The following DPYD variants were observed in gnomAD, a reference collection of about 807,000 sequenced individuals.
The protein encoded by DPYD is dihydropyrimidine dehydrogenase, also known as dihydropyrimidine dehydrogenase [NADP(+)].
A neutral mutation model predicts 116.2 loss-of-function variants in DPYD; 109 were observed. The ratio of observed to expected loss-of-function variants is 0.94; its 90% CI spans 0.80 to 1.10. The LOEUF is 1.10. DPYD is among the 50% of genes least tolerant of loss of function. The pLI, the probability that DPYD is intolerant of heterozygous loss-of-function variation, is 0.00. For missense variants in DPYD, 1,302 were observed against 1,254.5 expected, an observed-to-expected ratio of 1.04 and a Z score of -0.57; for synonymous variants, 440 against 432.0, an observed-to-expected ratio of 1.02 and a Z score of -0.23.
intron 19 of DPYD, among the ~76,000 whole-genome samples, chr1:97,211,477 A>G (rs7540621): frequency 0.035 from 5,381 of 152,292 alleles, 293 homozygotes; most frequent in African/African-American, 0.12. Flanking sequence ...CTGAATGAAT[A>G]GAAATTATGA....
chr1:97,227,406 T>C (rs1455601846), intron 19 of DPYD, among the ~76,000 whole-genome samples: 1 of 134,194 alleles, frequency 7.5e-6, no homozygotes, highest in Non-Finnish European at 1.6e-5. Context: ...CCCAATAAAA[T>C]GTAATCTGAA....
At chr1:97,229,574 A>G (rs1661447037) in intron 19 of DPYD, among the ~76,000 whole-genome samples, 1 of 84,474 alleles carries the variant, frequency 1.2e-5, no homozygotes, top group African/African-American at 3.1e-5. Flanking sequence ...ATATATATAT[A>G]TATATATATA....
intron 20 of DPYD, among the ~76,000 whole-genome samples, chr1:97,126,895 T>G (rs1256937510): frequency 6.6e-6 from 1 of 152,190 alleles, no homozygotes; most frequent in Non-Finnish European, 1.5e-5. Flanking sequence ...CTTTAGGACT[T>G]TTGTACCTTG....
chr1:97,156,577 AC>A (rs1278973177), intron 20 of DPYD, among the ~76,000 whole-genome samples: 4 of 152,218 alleles, frequency 2.6e-5, no homozygotes, highest in Admixed American at 2.6e-4. Context: ...ATACCATCCC[AC>A]ACCAGTTAGA....
intron 3 of DPYD, among the ~76,000 whole-genome samples, chr1:97,773,830 C>T (rs1021365521): frequency 5.9e-5 from 9 of 152,180 alleles, no homozygotes; most frequent in African/African-American, 1.4e-4. Flanking sequence ...ACTTCCACCA[C>T]TCAATAAAAA....
intron 11 of DPYD, among the ~76,000 whole-genome samples, chr1:97,553,153 C>T (rs749697682): frequency 9.2e-5 from 14 of 151,816 alleles, no homozygotes; most frequent in Non-Finnish European, 1.6e-4. Flanking sequence ...GTAGTAGACT[C>T]TAAGCACATG....
In DPYD at chr1:97,593,273, C is replaced by A; in HGVS notation, c.1073G>T (p.Arg358Leu). Reference protein sequence around the residue: ...ATSALRCGARRVFIVFRKGFV... With the variant: ...ATSALRCGARLVFIVFRKGFV... ...GCCTTTTCTGAAGACGATGAACACA[C>A]GGCGAGCTCCACAACGTAGAGCAGA... Residue 358 changes from arginine (R) to leucine (L), a missense_variant, in exon 10 of 23, where the codon CGT becomes CTT. By Grantham distance (102) the Arg-to-Leu change is moderately radical (BLOSUM62 -2). Transcript: ENST00000370192. 6.2e-7 allele frequency: 1 copy of A among 1,614,118 alleles called. No individual in the cohort carries two copies. Among genetic ancestry groups the A allele is most frequent in the Non-Finnish European group, 8.5e-7 (1 of 1,179,998 alleles).
intron 8 of DPYD, among the ~76,000 whole-genome samples, chr1:97,652,114 T>C (rs1184016767): frequency 1.3e-5 from 2 of 152,098 alleles, no homozygotes; most frequent in Non-Finnish European, 2.9e-5. Flanking sequence ...AGTCACTATA[T>C]TCATTCTATA....
intron 13 of DPYD, among the ~76,000 whole-genome samples, chr1:97,477,240 A>T (rs558971899): frequency 6.6e-6 from 1 of 152,354 alleles, no homozygotes; most frequent in South Asian, 2.1e-4. Context: ...TGTTCACAGC[A>T]TCTTCACTAG....
At chr1:97,904,799 AT>A (rs1212828114) in intron 1 of DPYD, among the ~76,000 whole-genome samples, 1 of 151,972 alleles carries the variant, frequency 6.6e-6, no homozygotes, top group African/African-American at 2.4e-5. Context: ...TCTCTTGTTA[AT>A]CCATCTTTCA....
chr1:97,611,503 T>C (rs1334215521), intron 8 of DPYD, among the ~76,000 whole-genome samples: 1 of 152,042 alleles, frequency 6.6e-6, no homozygotes, highest in Non-Finnish European at 1.5e-5. Flanking sequence ...CAAGTAAATA[T>C]AAGGTGTTCT....
chr1:97,255,292 A>G (rs933563121), intron 18 of DPYD, among the ~76,000 whole-genome samples: 5 of 152,174 alleles, frequency 3.3e-5, no homozygotes, highest in African/African-American at 9.7e-5. Context: ...AGTGTTATAC[A>G]AATATTAAGT....
At chr1:97,704,537 A>C (rs1195153533) in intron 5 of DPYD, among the ~76,000 whole-genome samples, 1 of 152,018 alleles carries the variant, frequency 6.6e-6, no homozygotes, top group African/African-American at 2.4e-5. Context: ...TTTTTCAAAA[A>C]TAATATTTTT....
chr1:97,112,679 A>G (rs1651684773), intron 20 of DPYD, among the ~76,000 whole-genome samples: 1 of 152,152 alleles, frequency 6.6e-6, no homozygotes, highest in Non-Finnish European at 1.5e-5. Context: ...CGTGATTTCC[A>G]TAGATTATCA....
At chr1:97,252,198 G>A (rs545033422) in intron 18 of DPYD, among the ~76,000 whole-genome samples, 3 of 152,164 alleles carry the variant, frequency 2.0e-5, no homozygotes, top group African/African-American at 7.2e-5. Flanking sequence ...TGAAATTTCA[G>A]GCTCTTGTCA....
At chr1:97,814,700 G>A (rs1668492284) in intron 3 of DPYD, among the ~76,000 whole-genome samples, 1 of 151,688 alleles carries the variant, frequency 6.6e-6, no homozygotes, top group South Asian at 2.1e-4. Context: ...AGAAATCCAG[G>A]AATCTCCAGC....
At chr1:97,902,624 T>A (rs982147129) in intron 1 of DPYD, among the ~76,000 whole-genome samples, 1 of 151,844 alleles carries the variant, frequency 6.6e-6, no homozygotes, top group East Asian at 1.9e-4. Flanking sequence ...CAATGCTTCC[T>A]ACACTTTCTC....
rs1183047651 is a variant in DPYD at position 97,098,644 on chromosome 1, A to G, written c.2623-12T>C. 6.2e-7 allele frequency: 1 copy of G among 1,612,512 alleles called. No homozygotes were observed. The highest frequency in any genetic ancestry group is 1.1e-5 in the South Asian group (1 of 91,034). Reference sequence around the variant, plus strand: ...AAACTTGGCAGTTTCTAAAAGGAAAACACACAAATAAGGAAGCATGTTAGC... The same window carrying G: ...AAACTTGGCAGTTTCTAAAAGGAAAGCACACAAATAAGGAAGCATGTTAGC... On this transcript the variant is annotated splice_polypyrimidine_tract_variant and intron_variant, in intron 20 of 22. Coordinates refer to ENST00000370192, the MANE Select transcript of DPYD (RefSeq NM_000110.4).
chr1:97,522,449 G>A (rs1000826540), intron 12 of DPYD, among the ~76,000 whole-genome samples: 9 of 152,224 alleles, frequency 5.9e-5, no homozygotes, highest in South Asian at 2.1e-4. Context: ...TATGTCGGGC[G>A]TGGTGGCTCA....
Sources: gnomAD v4.1 joint callset for allele counts (sites outside exome capture counted in the v4.1 genomes callset) on GRCh38, gnomAD v4.1.1 for gene constraint, MANE v1.5 for transcripts, NCBI Gene and HGNC (gene_info 2026-07-23, HGNC 2026-07-21) for gene names.